GNAL: variants seen among roughly 807,000 people sequenced by gnomAD.
GNAL encodes the protein guanine nucleotide-binding protein G(olf) subunit alpha.
In GNAL, 18 loss-of-function variants were observed where a neutral mutation model predicts 55.1. The observed-to-expected ratio is 0.33, with a 90% CI of 0.23 to 0.48. The LOEUF (loss-of-function observed/expected upper bound fraction) is 0.48, where lower values mean the gene tolerates loss of function less well. Ranked by LOEUF, GNAL falls within the 20% of genes least tolerant of loss-of-function variation. The pLI is 0.99. For missense variants in GNAL, 412 were observed against 614.1 expected (o/e 0.67, Z 3.48); for synonymous variants, 253 against 237.0 (o/e 1.07, Z -0.62).
chr18:11,869,021 T>A (rs2036329126), intron 9 of GNAL, among the ~76,000 whole-genome samples: 1 of 131,214 alleles, frequency 7.6e-6, no homozygotes, highest in South Asian at 2.5e-4. Flanking sequence ...CACACACACA[T>A]ACCTACACCC....
chr18:11,697,802 G>A (rs931726677), intron 1 of GNAL, among the ~76,000 whole-genome samples: 1 of 152,214 alleles, frequency 6.6e-6, no homozygotes, highest in African/African-American at 2.4e-5. Context: ...AGGGAGAAGA[G>A]AACAGTGAGC....
intron 1 of GNAL, among the ~76,000 whole-genome samples, chr18:11,741,664 T>A (rs2032578749): frequency 6.6e-6 from 1 of 152,126 alleles, no homozygotes; most frequent in Admixed American, 6.5e-5. Context: ...TGAATGAACA[T>A]GCGTTGCTTT....
At chr18:11,799,944 T>C (rs1016890149) in intron 4 of GNAL, among the ~76,000 whole-genome samples, 4 of 152,112 alleles carry the variant, frequency 2.6e-5, no homozygotes, top group Non-Finnish European at 5.9e-5. Context: ...CCCCTGTACG[T>C]GTCCCTTTTT....
chr18:11,732,338 C>T (rs986740802), intron 1 of GNAL, among the ~76,000 whole-genome samples: 2 of 152,170 alleles, frequency 1.3e-5, no homozygotes, highest in African/African-American at 2.4e-5. Context: ...CACCGACACT[C>T]GTTACTGTCT....
intron 4 of GNAL, among the ~76,000 whole-genome samples, chr18:11,816,540 T>A (rs953875651): frequency 6.6e-6 from 1 of 152,110 alleles, no homozygotes; most frequent in African/African-American, 2.4e-5. Context: ...ATGATCCACC[T>A]GCCTCGGGCT....
At position 11,750,143 on chromosome 18, in the gene GNAL, G is replaced by A. The variant is rs112497766; in HGVS notation, c.377-2710G>A. On this transcript the variant is annotated intron_variant, in intron 1 of 11. Coordinates refer to ENST00000334049, the MANE Select transcript of GNAL (RefSeq NM_182978.4). Reference sequence around the variant, plus strand: ...CAGATACTCAGGAAACGGACCCAACGGGATGCGGTAACTGTTGGGGTTTGT... The same window carrying A: ...CAGATACTCAGGAAACGGACCCAACAGGATGCGGTAACTGTTGGGGTTTGT... Among the ~76,000 whole-genome samples, 1,039 of 152,312 alleles carry A rather than the reference G, an allele frequency of 6.8e-3. 13 individuals are homozygous for A. The highest frequency in any genetic ancestry group is 0.024 in the African/African-American group (977 of 41,564).
intron 1 of GNAL, among the ~76,000 whole-genome samples, chr18:11,721,275 G>C (rs1282846496): frequency 6.6e-6 from 1 of 152,190 alleles, no homozygotes. Context: ...CAGAGCACTT[G>C]CTAGCGATTA....
chr18:11,695,313 C>T (rs543979950), intron 1 of GNAL, among the ~76,000 whole-genome samples: 17 of 152,142 alleles, frequency 1.1e-4, no homozygotes, highest in Non-Finnish European at 2.5e-4. Context: ...TGGCTCTTAC[C>T]GCTGATCTAA....
At chr18:11,793,548 T>G (rs1176828979) in intron 4 of GNAL, among the ~76,000 whole-genome samples, 1 of 151,552 alleles carries the variant, frequency 6.6e-6, no homozygotes, top group Non-Finnish European at 1.5e-5. Context: ...TGCCACCACA[T>G]TGCAGCCTGA....
At chr18:11,841,948 G>T (rs58991912) in intron 5 of GNAL, among the ~76,000 whole-genome samples, 8,544 of 151,890 alleles carry the variant, frequency 0.056, 380 homozygotes, top group African/African-American at 0.12. Context: ...AATAACGAAA[G>T]AAAACATATG....
At chr18:11,746,035 A>T (rs1176528164) in intron 1 of GNAL, 6 of 349,202 alleles carry the variant, frequency 1.7e-5, no homozygotes, top group Middle Eastern at 4.3e-4. Context: ...TAAAGCCGTA[A>T]CAGAAGATGG....
intron 4 of GNAL, among the ~76,000 whole-genome samples, chr18:11,824,090 C>CA (rs1431854077): frequency 1.3e-5 from 2 of 152,194 alleles, no homozygotes; most frequent in East Asian, 3.9e-4. Flanking sequence ...TTATCATCCT[C>CA]AAAGTGTAAT....
Position 11,885,491 on chromosome 18 carries a change from G to C in GNAL, c.*4356G>C. 1 of 679,408 alleles carries C rather than the reference G, an allele frequency of 1.5e-6. No homozygotes were observed. The highest frequency in any genetic ancestry group is 2.5e-6 in the Non-Finnish European group (1 of 405,326). 42.1% of individuals were successfully genotyped at this position (679,408 alleles called of 1,614,324 possible). A position where few individuals can be genotyped will look rare whatever the true frequency, so the allele number is the denominator to read the frequency against. ...CTTCTCACATTAACTGCCCAGGAAT[G>C]TCATGCTGATTGGTTCCCGGAAGGG... On this transcript the variant is annotated 3_prime_UTR_variant, in exon 12 of 12. Coordinates refer to ENST00000334049, the MANE Select transcript of GNAL (RefSeq NM_182978.4).
intron 1 of GNAL, among the ~76,000 whole-genome samples, chr18:11,693,852 A>ATTTT (rs35736728): frequency 5.5e-5 from 6 of 109,844 alleles, no homozygotes; most frequent in African/African-American, 2.2e-4. Context: ...CTATGTCGCT[A>ATTTT]TTTTTTTTTT....
At chr18:11,809,561 C>T (rs1028435144) in intron 4 of GNAL, among the ~76,000 whole-genome samples, 1 of 152,012 alleles carries the variant, frequency 6.6e-6, no homozygotes, top group African/African-American at 2.4e-5. Context: ...GGCAAAACCC[C>T]GTCTCTACTA....
chr18:11,802,762 A>G (rs2034552570), intron 4 of GNAL, among the ~76,000 whole-genome samples: 1 of 152,228 alleles, frequency 6.6e-6, no homozygotes, highest in Non-Finnish European at 1.5e-5. Context: ...GGTGGGAAAG[A>G]AGAATAAAGC....
intron 4 of GNAL, among the ~76,000 whole-genome samples, chr18:11,766,603 A>G (rs956120094): frequency 6.6e-6 from 1 of 152,230 alleles, no homozygotes; most frequent in Non-Finnish European, 1.5e-5. Context: ...AATCTGTTAT[A>G]AAATGTTACC....
intron 4 of GNAL, among the ~76,000 whole-genome samples, chr18:11,763,617 TCCACC>T (rs2143202880): frequency 6.6e-6 from 1 of 152,098 alleles, no homozygotes; most frequent in South Asian, 2.1e-4. Context: ...CTTCAAGTGA[TCCACC>T]TCCCTCCCAA....
At chr18:11,731,177 T>A (rs2032331257) in intron 1 of GNAL, among the ~76,000 whole-genome samples, 1 of 152,250 alleles carries the variant, frequency 6.6e-6, no homozygotes, top group African/African-American at 2.4e-5. Context: ...AGACGGAGTC[T>A]CACTCTGTTG....
Sources: gnomAD v4.1 joint callset for allele counts (sites outside exome capture counted in the v4.1 genomes callset) on GRCh38, gnomAD v4.1.1 for gene constraint, MANE v1.5 for transcripts, NCBI Gene and HGNC (gene_info 2026-07-23, HGNC 2026-07-21) for gene names.